KHDRBS2: variants seen among roughly 807,000 people sequenced by gnomAD.
KHDRBS2 encodes KH domain-containing, RNA-binding, signal transduction-associated protein 2.
KHDRBS2 carries 26 observed loss-of-function variants against 44.3 expected under a neutral mutation model. The observed-to-expected ratio is 0.59, with a 90% confidence interval of 0.43 to 0.81. The LOEUF is 0.81. Ranked by LOEUF, KHDRBS2 falls within the 40% of genes least tolerant of loss-of-function variation. The pLI is 0.00. For missense variants in KHDRBS2, 476 were observed against 433.1 expected (o/e 1.10, Z -0.88); for synonymous variants, 194 against 151.1 (o/e 1.28, Z -2.08).
chr6:61,626,669 T>C, the KHDRBS2 span, among the ~76,000 whole-genome samples: 3 of 152,244 alleles, frequency 2.0e-5, no homozygotes, highest in Admixed American at 2.0e-4. Context: ...AAGATGAAGT[T>C]AGTGTCAGGC....
chr6:61,628,610 G>T, the KHDRBS2 span, among the ~76,000 whole-genome samples: 1 of 152,012 alleles, frequency 6.6e-6, no homozygotes, highest in African/African-American at 2.4e-5. Flanking sequence ...ACCAAACAGT[G>T]CCTGTCAAAA....
intron 1 of KHDRBS2, among the ~76,000 whole-genome samples, chr6:62,201,540 A>T (rs1251522671): frequency 6.6e-6 from 1 of 152,134 alleles, no homozygotes; most frequent in African/African-American, 2.4e-5. Context: ...CAAATTTCAC[A>T]AATGAAATCT....
chr6:62,178,971 C>A (rs910443503), intron 1 of KHDRBS2, among the ~76,000 whole-genome samples: 2 of 151,390 alleles, frequency 1.3e-5, no homozygotes, highest in Admixed American at 1.3e-4. Flanking sequence ...TTTTAAAGGT[C>A]TGACTATTTC....
At chr6:61,905,658 T>A (rs568344082) in intron 4 of KHDRBS2, among the ~76,000 whole-genome samples, 1 of 152,170 alleles carries the variant, frequency 6.6e-6, no homozygotes, top group Non-Finnish European at 1.5e-5. Flanking sequence ...ACTTTTCTAA[T>A]CATAATTTTA....
At chr6:61,862,256 A>G (rs1393138163) in intron 6 of KHDRBS2, among the ~76,000 whole-genome samples, 5 of 152,066 alleles carry the variant, frequency 3.3e-5, no homozygotes, top group African/African-American at 9.7e-5. Context: ...TCTTATTGTC[A>G]TCTTCAAGGA....
intron 2 of KHDRBS2, among the ~76,000 whole-genome samples, chr6:62,094,257 T>G (rs1268868162): frequency 6.6e-6 from 1 of 151,874 alleles, no homozygotes; most frequent in African/African-American, 2.4e-5. Flanking sequence ...GTATCTCATT[T>G]TAATTTTGAT....
At chr6:62,225,628 G>A (rs956103441) in intron 1 of KHDRBS2, among the ~76,000 whole-genome samples, 24 of 152,042 alleles carry the variant, frequency 1.6e-4, no homozygotes, top group Admixed American at 7.2e-4. Flanking sequence ...CTACCAACTC[G>A]TCATGTAGGT....
chr6:61,720,008 T>C (rs1772128702), intron 7 of KHDRBS2, among the ~76,000 whole-genome samples: 1 of 152,166 alleles, frequency 6.6e-6, no homozygotes, highest in South Asian at 2.1e-4. Context: ...AATTCCCACC[T>C]ATGAGTGAGA....
At chr6:62,139,496 C>A (rs533136902) in intron 2 of KHDRBS2, among the ~76,000 whole-genome samples, 1 of 149,660 alleles carries the variant, frequency 6.7e-6, no homozygotes, top group Non-Finnish European at 1.5e-5. Context: ...GAGCTTGCAG[C>A]GAGCGGAGAT....
chr6:61,568,649 T>A, the KHDRBS2 span, among the ~76,000 whole-genome samples: 1 of 152,044 alleles, frequency 6.6e-6, no homozygotes, highest in Non-Finnish European at 1.5e-5. Flanking sequence ...AATCTGAAAA[T>A]CCACATCACA....
At chr6:61,785,328 T>C (rs1291487933) in intron 6 of KHDRBS2, among the ~76,000 whole-genome samples, 1 of 152,132 alleles carries the variant, frequency 6.6e-6, no homozygotes, top group Non-Finnish European at 1.5e-5. Flanking sequence ...ATAACCATTA[T>C]TATTCACAAT....
At chr6:61,588,960 T>C in the KHDRBS2 span, among the ~76,000 whole-genome samples, 93,523 of 151,742 alleles carry the variant, frequency 0.62, 29,022 homozygotes, top group Non-Finnish European at 0.65. Flanking sequence ...CAAACTAATG[T>C]AGGAACAGAA....
chr6:61,868,276 T>C (rs1798072319), intron 6 of KHDRBS2, among the ~76,000 whole-genome samples: 1 of 151,938 alleles, frequency 6.6e-6, no homozygotes, highest in Admixed American at 6.5e-5. Flanking sequence ...TCTTGGACTC[T>C]AAAGCCCACA....
chr6:61,565,685 AG>A, the KHDRBS2 span, among the ~76,000 whole-genome samples: 1 of 152,096 alleles, frequency 6.6e-6, no homozygotes, highest in Middle Eastern at 3.2e-3. Flanking sequence ...TAAAGAAAGG[AG>A]AATGCTTGTA....
intron 6 of KHDRBS2, among the ~76,000 whole-genome samples, chr6:61,842,625 T>C (rs56229006): frequency 0.17 from 25,587 of 152,080 alleles, 2,273 homozygotes; most frequent in Non-Finnish European, 0.2. Context: ...ATTGGAACCC[T>C]CATACATTGC....
chr6:62,057,635 T>C (rs1469099808), intron 2 of KHDRBS2, among the ~76,000 whole-genome samples: 2 of 151,988 alleles, frequency 1.3e-5, no homozygotes, highest in Non-Finnish European at 2.9e-5. Flanking sequence ...ACCAGTGTCT[T>C]CAATATTTAA....
chr6:61,989,704 G>T (rs1270620135), intron 3 of KHDRBS2, among the ~76,000 whole-genome samples: 1 of 152,132 alleles, frequency 6.6e-6, no homozygotes, highest in East Asian at 1.9e-4. Flanking sequence ...GTTGGGAGAA[G>T]ATTTTTGTTT....
chr6:62,217,506 T>C (rs1830219400), intron 1 of KHDRBS2, among the ~76,000 whole-genome samples: 1 of 151,862 alleles, frequency 6.6e-6, no homozygotes, highest in Admixed American at 6.6e-5. Flanking sequence ...AAACACATAG[T>C]TGGTAATACA....
At chr6:61,826,949 T>C (rs1449198949) in intron 6 of KHDRBS2, among the ~76,000 whole-genome samples, 1 of 152,184 alleles carries the variant, frequency 6.6e-6, no homozygotes, top group East Asian at 1.9e-4. Flanking sequence ...GTTCTTTTCC[T>C]CAATTATTCG....
Sources: gnomAD v4.1 joint callset for allele counts (sites outside exome capture counted in the v4.1 genomes callset) on GRCh38, gnomAD v4.1.1 for gene constraint, MANE v1.5 for transcripts, NCBI Gene and HGNC (gene_info 2026-07-23, HGNC 2026-07-21) for gene names.